The following NXPH1 variants were observed in gnomAD, a reference collection of about 807,000 sequenced individuals.
NXPH1 encodes the protein neurexophilin 1, also known as neurexophilin-1.
NXPH1 carries 5 observed loss-of-function variants against 23.7 expected under a neutral mutation model. That is an observed-to-expected ratio of 0.21 (90% confidence interval 0.11 to 0.44). The LOEUF (loss-of-function observed/expected upper bound fraction) is 0.44, where lower values mean the gene tolerates loss of function less well. NXPH1 is among the 20% of genes least tolerant of loss of function. The pLI, the probability that NXPH1 is intolerant of heterozygous loss-of-function variation, is 0.99. For synonymous variants in NXPH1, 144 were observed against 122.2 expected (o/e 1.18, Z -1.18); for missense variants, 324 against 321.6 (o/e 1.01, Z -0.06).
intron 2 of NXPH1, among the ~76,000 whole-genome samples, chr7:8,446,777 T>G (rs1211925627): frequency 6.6e-6 from 1 of 152,198 alleles, no homozygotes; most frequent in Non-Finnish European, 1.5e-5. Flanking sequence ...ATATTTATAT[T>G]GGGGGAATGA....
chr7:8,564,351 T>A (rs1584235309), intron 2 of NXPH1, among the ~76,000 whole-genome samples: 1 of 151,922 alleles, frequency 6.6e-6, no homozygotes, highest in South Asian at 2.1e-4. Context: ...AAAAGTAGAA[T>A]GCGTATGGTA....
intron 2 of NXPH1, among the ~76,000 whole-genome samples, chr7:8,635,067 A>G (rs1820197696): frequency 6.6e-6 from 1 of 152,172 alleles, no homozygotes; most frequent in African/African-American, 2.4e-5. Context: ...ACATTTGTCA[A>G]AAGCAGACTA....
At chr7:8,720,383 T>A (rs1779952373) in intron 2 of NXPH1, among the ~76,000 whole-genome samples, 1 of 152,218 alleles carries the variant, frequency 6.6e-6, no homozygotes, top group Non-Finnish European at 1.5e-5. Context: ...ATCATTAGGT[T>A]ACTGGTATCT....
chr7:8,437,054 C>T lies in NXPH1; in HGVS notation c.54+1287C>T, dbSNP rs78164185. Among the ~76,000 whole-genome samples the T allele has an allele frequency of 1.4e-3, 213 of 152,326 alleles. 7 individuals are homozygous for T. In the East Asian group the frequency reaches 0.036, roughly 26 times the overall value. ...ATGTTGCCTGTCTTTGCCCCTTTAT[C>T]GCCTGACCGTAGCAGCCGCGGACGC... is the stretch of plus-strand genomic sequence containing the variant. On this transcript the variant is annotated intron_variant, in intron 2 of 2. Transcript: ENST00000405863.
At position 8,688,694 on chromosome 7, in the gene NXPH1, A is replaced by G. The variant is rs534578747; in HGVS notation, c.55-62314A>G. 7.2e-5 allele frequency among the ~76,000 whole-genome samples: 11 copies of G among 152,306 alleles called. No individual in the cohort carries two copies. In the South Asian group the frequency reaches 2.1e-3, roughly 29 times the overall value. On this transcript the variant is annotated intron_variant, in intron 2 of 2. Transcript: ENST00000405863. ...GCTTTGGCACTCATCAGACAGTCCT[A>G]TGCTGGGAAGGGGAATTGTAACTCC... is the stretch of plus-strand genomic sequence containing the variant.
At chr7:8,593,661 AG>A (rs574138039) in intron 2 of NXPH1, among the ~76,000 whole-genome samples, 6 of 152,082 alleles carry the variant, frequency 3.9e-5, no homozygotes, top group Non-Finnish European at 7.4e-5. Context: ...ATACACCAGT[AG>A]CCAGTTTGTC....
intron 2 of NXPH1, among the ~76,000 whole-genome samples, chr7:8,516,047 G>C (rs1817681841): frequency 6.6e-6 from 1 of 152,006 alleles, no homozygotes; most frequent in Non-Finnish European, 1.5e-5. Flanking sequence ...CGATTTGATT[G>C]TTTACTCATC....
intron 2 of NXPH1, among the ~76,000 whole-genome samples, chr7:8,683,414 G>T (rs1042847376): frequency 1.3e-5 from 2 of 152,030 alleles, no homozygotes; most frequent in Admixed American, 6.6e-5. Context: ...AAAGAGTGGG[G>T]CTATATCTCC....
intron 2 of NXPH1, among the ~76,000 whole-genome samples, chr7:8,533,642 T>G (rs981900379): frequency 6.6e-6 from 1 of 152,192 alleles, no homozygotes; most frequent in Non-Finnish European, 1.5e-5. Flanking sequence ...TTTCCAAATT[T>G]TGTACTACAA....
At chr7:8,490,757 C>T (rs1817236277) in intron 2 of NXPH1, among the ~76,000 whole-genome samples, 1 of 151,932 alleles carries the variant, frequency 6.6e-6, no homozygotes, top group African/African-American at 2.4e-5. Context: ...GGGAAGGAGA[C>T]AAAATATTTA....
At chr7:8,532,710 C>G (rs1231443125) in intron 2 of NXPH1, among the ~76,000 whole-genome samples, 1 of 152,124 alleles carries the variant, frequency 6.6e-6, no homozygotes, top group Non-Finnish European at 1.5e-5. Context: ...TGGTGGTCCT[C>G]AGACCGTAGC....
intron 2 of NXPH1, among the ~76,000 whole-genome samples, chr7:8,669,284 G>A (rs1027314485): frequency 7.9e-5 from 12 of 152,172 alleles, no homozygotes; most frequent in African/African-American, 2.9e-4. Context: ...CCTGAAGCCT[G>A]GGGCTGTGTG....
At chr7:8,716,115 A>G (rs1779874933) in intron 2 of NXPH1, among the ~76,000 whole-genome samples, 1 of 152,198 alleles carries the variant, frequency 6.6e-6, no homozygotes, top group Non-Finnish European at 1.5e-5. Context: ...TTTGGGTATT[A>G]AGAAACCCAG....
At chr7:8,573,455 CAGAT>C (rs1818690734) in intron 2 of NXPH1, among the ~76,000 whole-genome samples, 1 of 151,992 alleles carries the variant, frequency 6.6e-6, no homozygotes, top group African/African-American at 2.4e-5. Flanking sequence ...GAAGAGTCAA[CAGAT>C]AGAGACAGGA....
intron 2 of NXPH1, among the ~76,000 whole-genome samples, chr7:8,706,489 C>T (rs1037701666): frequency 1.3e-5 from 2 of 152,056 alleles, no homozygotes; most frequent in African/African-American, 2.4e-5. Context: ...TTGAGTGATC[C>T]GTTTGAAATG....
intron 2 of NXPH1, among the ~76,000 whole-genome samples, chr7:8,523,774 T>G (rs985030585): frequency 5.3e-5 from 8 of 152,154 alleles, no homozygotes; most frequent in Non-Finnish European, 8.8e-5. Flanking sequence ...GGATCCAGTT[T>G]TGAAGCCTCA....
chr7:8,739,893 A>C (rs577513599), intron 2 of NXPH1, among the ~76,000 whole-genome samples: 1 of 152,328 alleles, frequency 6.6e-6, no homozygotes, highest in African/African-American at 2.4e-5. Context: ...AGCATCATCA[A>C]GACATTATTA....
chr7:8,708,416 A>G (rs957577280), intron 2 of NXPH1, among the ~76,000 whole-genome samples: 1 of 152,070 alleles, frequency 6.6e-6, no homozygotes, highest in Non-Finnish European at 1.5e-5. Flanking sequence ...GCTACAGTAC[A>G]ATGGCACGAT....
At chr7:8,543,471 C>T (rs1818149797) in intron 2 of NXPH1, among the ~76,000 whole-genome samples, 1 of 151,488 alleles carries the variant, frequency 6.6e-6, no homozygotes, top group Admixed American at 6.6e-5. Context: ...CTATAGTATA[C>T]ATTATAATTA....
Sources: gnomAD v4.1 joint callset for allele counts (sites outside exome capture counted in the v4.1 genomes callset) on GRCh38, gnomAD v4.1.1 for gene constraint, MANE v1.5 for transcripts, NCBI Gene and HGNC (gene_info 2026-07-23, HGNC 2026-07-21) for gene names.